RALGAPA2: variants seen among roughly 807,000 people sequenced by gnomAD.
The protein encoded by RALGAPA2 is ral GTPase-activating protein subunit alpha-2.
RALGAPA2 carries 139 observed loss-of-function variants against 230.4 expected under a neutral mutation model. That is an observed-to-expected ratio of 0.60 (90% CI 0.53 to 0.69). The LOEUF is 0.69. Among genes scored for constraint, RALGAPA2 ranks in the 30% least tolerant of loss-of-function variants. The pLI is 0.00. For missense variants in RALGAPA2, 2,163 were observed against 2,276.0 expected (o/e 0.95, Z 1.01); for synonymous variants, 847 against 837.8 (o/e 1.01, Z -0.19).
chr20:20,474,226 G>A (rs1419569016), intron 36 of RALGAPA2, among the ~76,000 whole-genome samples: 1 of 152,162 alleles, frequency 6.6e-6, no homozygotes, highest in Non-Finnish European at 1.5e-5. Flanking sequence ...AACATTCCAG[G>A]CAGAGTAACA....
rs181964294 is a variant in RALGAPA2 at position 20,571,593 on chromosome 20, T to A, written c.3021A>T (p.Glu1007Asp). 3.1e-6 allele frequency: 5 copies of A among 1,611,248 alleles called. No individual in the cohort carries two copies. Among genetic ancestry groups the A allele is most frequent in the Non-Finnish European group, 4.2e-6 (5 of 1,178,814 alleles). ...WLFKAATLPN[E>D]YKEGKLQAYR... ...AGGCTTGTAGTTTGCCTTCCTTATA[T>A]TCATTTGGCAGTGTCGCCGCCTGTC... The change falls in exon 23 of 40, where the codon GAA becomes GAT. Residue 1007 changes from glutamate to aspartate, a missense_variant. Coordinates refer to ENST00000202677, the MANE Select transcript of RALGAPA2 (RefSeq NM_020343.4).
intron 9 of RALGAPA2, among the ~76,000 whole-genome samples, chr20:20,631,973 A>T (rs1286995527): frequency 6.6e-6 from 1 of 151,218 alleles, no homozygotes. Context: ...ACTAGGGACC[A>T]ATCTGTTTTG....
At chr20:20,604,820 C>T (rs2065769221) in intron 15 of RALGAPA2, among the ~76,000 whole-genome samples, 1 of 152,154 alleles carries the variant, frequency 6.6e-6, no homozygotes, top group African/African-American at 2.4e-5. Context: ...CTCTGTACTT[C>T]AGTTTCTTTG....
At chr20:20,445,850 G>T (rs2060849111) in intron 37 of RALGAPA2, among the ~76,000 whole-genome samples, 1 of 152,178 alleles carries the variant, frequency 6.6e-6, no homozygotes, top group Admixed American at 6.5e-5. Flanking sequence ...TTTGAAAGAA[G>T]CTGTAAGATT....
At chr20:20,665,104 C>A (rs2067917673) in intron 3 of RALGAPA2, among the ~76,000 whole-genome samples, 1 of 152,082 alleles carries the variant, frequency 6.6e-6, no homozygotes, top group African/African-American at 2.4e-5. Flanking sequence ...TAAAAAAAAT[C>A]AACTTACCAA....
chr20:20,596,398 G>A (rs371427738), intron 16 of RALGAPA2, among the ~76,000 whole-genome samples: 14 of 152,266 alleles, frequency 9.2e-5, no homozygotes, highest in East Asian at 3.9e-4. Context: ...CATTGATAGG[G>A]TAAGGAGCTT....
chr20:20,585,003 G>T lies in RALGAPA2; in HGVS notation c.2440-48C>A, dbSNP rs189297010. 8.4e-6 allele frequency: 11 copies of T among 1,317,278 alleles called. No homozygotes were observed. In the East Asian group the frequency reaches 2.6e-4, roughly 31 times the overall value. The allele number at this position is 1,317,278 out of a possible 1,614,324, so 81.6% of individuals were successfully genotyped here. Reference sequence around the variant, plus strand: ...CATTTACTACAGGAAAGTTTTCATTGTTATAAGACTTAAGTTTCTAGCCCA... The same window carrying T: ...CATTTACTACAGGAAAGTTTTCATTTTTATAAGACTTAAGTTTCTAGCCCA... On this transcript the variant is annotated intron_variant, in intron 18 of 39. Transcript: ENST00000202677.
intron 36 of RALGAPA2, among the ~76,000 whole-genome samples, chr20:20,481,323 G>C (rs1278656765): frequency 2.0e-5 from 3 of 152,224 alleles, no homozygotes; most frequent in Non-Finnish European, 4.4e-5. Context: ...CAGACATCTT[G>C]ATGGTCCAAA....
intron 24 of RALGAPA2, among the ~76,000 whole-genome samples, chr20:20,539,500 A>G (rs967757772): frequency 1.3e-4 from 20 of 152,212 alleles, no homozygotes; most frequent in Admixed American, 1.3e-3. Flanking sequence ...AAGCATAATT[A>G]ATAAAAATTT....
chr20:20,470,547 C>G (rs1263080556), intron 37 of RALGAPA2, among the ~76,000 whole-genome samples: 1 of 151,908 alleles, frequency 6.6e-6, no homozygotes, highest in Non-Finnish European at 1.5e-5. Context: ...CATGTGTAAT[C>G]TCCCCAAGGG....
intron 9 of RALGAPA2, among the ~76,000 whole-genome samples, chr20:20,633,851 G>A (rs189354917): frequency 1.2e-3 from 189 of 152,282 alleles, no homozygotes; most frequent in Admixed American, 2.2e-3. Flanking sequence ...TGTTGTAAGA[G>A]GCAAGGTTCT....
At chr20:20,528,877 T>TG (rs2063296041) in intron 27 of RALGAPA2, among the ~76,000 whole-genome samples, 1 of 152,114 alleles carries the variant, frequency 6.6e-6, no homozygotes, top group South Asian at 2.1e-4. Flanking sequence ...GGGCTGGGGG[T>TG]GGGGCCAAGG....
At chr20:20,628,297 A>G (rs1261071255) in intron 10 of RALGAPA2, among the ~76,000 whole-genome samples, 2 of 152,230 alleles carry the variant, frequency 1.3e-5, no homozygotes, top group African/African-American at 4.8e-5. Context: ...CCCGTCATTC[A>G]TATGTCTAAG....
In RALGAPA2 at chr20:20,712,391, G is replaced by A; in HGVS notation, c.90C>T (p.His30=). ...GCGCCTCACCCAGCAGCGCCCGCAG[G>A]TGCTTCAGGCGGGTCAGCACGTCCT... ...PKKDVLTRLK[H]LRALLDNVDA... is the part of the protein sequence containing the mutation. Residue 30 remains histidine, a synonymous_variant, in exon 1 of 40, where the codon CAC becomes CAT. Transcript: ENST00000202677. The surrounding 1 kb of genome is among the most constrained non-coding windows in gnomAD (Gnocchi z 5.5). 1.3e-6 allele frequency: 2 copies of A among 1,549,618 alleles called. No individual in the cohort carries two copies. The highest frequency in any genetic ancestry group is 1.7e-6 in the Non-Finnish European group (2 of 1,146,146).
chr20:20,662,272 C>G (rs574513877), intron 3 of RALGAPA2, among the ~76,000 whole-genome samples: 1 of 151,588 alleles, frequency 6.6e-6, no homozygotes, highest in South Asian at 2.1e-4. Flanking sequence ...AAAAAATTCT[C>G]AATTATTTGT....
intron 30 of RALGAPA2, among the ~76,000 whole-genome samples, chr20:20,524,178 A>G (rs982313094): frequency 4.6e-5 from 7 of 152,196 alleles, no homozygotes; most frequent in Non-Finnish European, 7.4e-5. Flanking sequence ...GGATGGTCTC[A>G]ATCTCCTGAC....
chr20:20,430,108 G>A (rs941499057), intron 37 of RALGAPA2, among the ~76,000 whole-genome samples: 3 of 152,216 alleles, frequency 2.0e-5, no homozygotes, highest in Non-Finnish European at 4.4e-5. Context: ...TGTGAAAGAG[G>A]GGTTCAGGGC....
chr20:20,572,893 G>T lies in RALGAPA2; in HGVS notation c.2883C>A (p.Leu961=). Residue 961 remains leucine, a synonymous_variant, in exon 21 of 40, where the codon CTC becomes CTA. Transcript: ENST00000202677. ...HARVFCYLYE[L]WYKLAKIRDN... ...AACTTACCTTTGCTAGTTTGTACCA[G>T]AGTTCATAGAGATAGCAGAAAACTC... The T allele has an allele frequency of 6.4e-7, 1 of 1,551,234 alleles. No individual in the cohort carries two copies. Among genetic ancestry groups the T allele is most frequent in the Non-Finnish European group, 8.7e-7 (1 of 1,145,742 alleles).
intron 38 of RALGAPA2, among the ~76,000 whole-genome samples, chr20:20,404,847 G>A (rs2059913711): frequency 6.6e-6 from 1 of 152,162 alleles, no homozygotes; most frequent in Admixed American, 6.5e-5. Flanking sequence ...TCAGAGTTCT[G>A]CCAAGGGAAC....
Sources: allele counts gnomAD v4.1 joint callset (sites outside exome capture counted in the v4.1 genomes callset), GRCh38; gene constraint gnomAD v4.1.1; non-coding constraint Gnocchi (gnomAD v3.1); transcripts MANE v1.5; gene names NCBI Gene and HGNC (gene_info 2026-07-23, HGNC 2026-07-21).